LINGO2: variants seen among roughly 807,000 people sequenced by gnomAD.
LINGO2 encodes leucine-rich repeat and immunoglobulin-like domain-containing nogo receptor-interacting protein 2.
In LINGO2, 14 loss-of-function variants were observed where a neutral mutation model predicts 30.6. That is an observed-to-expected ratio of 0.46 (90% CI 0.30 to 0.72). The LOEUF is 0.72. Ranked by LOEUF, LINGO2 falls within the 30% of genes least tolerant of loss-of-function variation. The pLI is 0.07. For missense variants in LINGO2, 729 were observed against 751.7 expected (o/e 0.97, Z 0.35); for synonymous variants, 317 against 288.5 (o/e 1.10, Z -1.00).
intron 2 of LINGO2, among the ~76,000 whole-genome samples, chr9:28,436,764 G>A (rs1356266832): frequency 2.6e-5 from 4 of 152,122 alleles, no homozygotes; most frequent in Non-Finnish European, 5.9e-5. Flanking sequence ...GCCAGGAAGA[G>A]TATTTATAAA....
intron 4 of LINGO2, among the ~76,000 whole-genome samples, chr9:28,202,946 T>C (rs1215031025): frequency 6.6e-6 from 1 of 152,222 alleles, no homozygotes; most frequent in African/African-American, 2.4e-5. Flanking sequence ...GAATAGAATG[T>C]AAACTCTGTA....
chr9:29,005,840 G>A, the LINGO2 span, among the ~76,000 whole-genome samples: 1 of 151,870 alleles, frequency 6.6e-6, no homozygotes, highest in Admixed American at 6.6e-5. Flanking sequence ...GTCAACTGTA[G>A]GTGTTATTCT....
chr9:28,589,454 C>G lies in LINGO2; in HGVS notation c.-365+80746G>C, dbSNP rs1824750276. On this transcript the variant is annotated intron_variant, in intron 1 of 5. Transcript: ENST00000379992. ...AGCTGATAAGCAACTTCAGCAAAGT[C>G]TCAGGATACAAAATCAATGTACAAA... Among the ~76,000 whole-genome samples the G allele has an allele frequency of 2.0e-5, 3 of 152,230 alleles. No individual in the cohort carries two copies. The South Asian group carries it at 6.2e-4, about 32-fold the overall frequency.
At chr9:29,020,529 G>C in the LINGO2 span, among the ~76,000 whole-genome samples, 1 of 151,850 alleles carries the variant, frequency 6.6e-6, no homozygotes, top group Non-Finnish European at 1.5e-5. Flanking sequence ...TTTATTAATA[G>C]GTAAGCCCTA....
At chr9:28,209,274 C>G (rs1820512449) in intron 4 of LINGO2, among the ~76,000 whole-genome samples, 1 of 151,804 alleles carries the variant, frequency 6.6e-6, no homozygotes, top group South Asian at 2.1e-4. Context: ...ATATATGAGG[C>G]CTAGGTTAAG....
At chr9:29,155,758 G>T in the LINGO2 span, among the ~76,000 whole-genome samples, 1 of 151,974 alleles carries the variant, frequency 6.6e-6, no homozygotes, top group African/African-American at 2.4e-5. Flanking sequence ...TGCAAGGTAT[G>T]TTACTGTCAA....
At chr9:28,384,568 T>C (rs1315275659) in intron 2 of LINGO2, among the ~76,000 whole-genome samples, 1 of 151,954 alleles carries the variant, frequency 6.6e-6, no homozygotes, top group Non-Finnish European at 1.5e-5. Flanking sequence ...TCAGCACACA[T>C]CACATTCATT....
chr9:28,258,831 C>T (rs1299985139), intron 4 of LINGO2, among the ~76,000 whole-genome samples: 4 of 151,644 alleles, frequency 2.6e-5, no homozygotes, highest in African/African-American at 9.7e-5. Flanking sequence ...TAAGTCATAT[C>T]CAAGAGGAAT....
At chr9:28,827,760 T>C in the LINGO2 span, among the ~76,000 whole-genome samples, 1 of 152,154 alleles carries the variant, frequency 6.6e-6, no homozygotes, top group African/African-American at 2.4e-5. Flanking sequence ...CAGCAAAAGA[T>C]ATTTTATTGA....
the LINGO2 span, among the ~76,000 whole-genome samples, chr9:29,192,134 A>G: frequency 1.3e-5 from 2 of 152,156 alleles, no homozygotes; most frequent in African/African-American, 4.8e-5. Context: ...TTGTACTGGC[A>G]GCATTTATAT....
intron 4 of LINGO2, among the ~76,000 whole-genome samples, chr9:28,111,937 T>C (rs1389171848): frequency 6.6e-6 from 1 of 150,654 alleles, no homozygotes; most frequent in Non-Finnish European, 1.5e-5. Flanking sequence ...ACTCTAAGTT[T>C]TAGGGTACAT....
chr9:28,416,909 G>A (rs1822989389), intron 2 of LINGO2, among the ~76,000 whole-genome samples: 1 of 152,090 alleles, frequency 6.6e-6, no homozygotes, highest in Non-Finnish European at 1.5e-5. Flanking sequence ...TTGTACATAT[G>A]TACCCAATTC....
intron 1 of LINGO2, among the ~76,000 whole-genome samples, chr9:28,544,984 A>G (rs1821867430): frequency 6.6e-6 from 1 of 151,660 alleles, no homozygotes; most frequent in South Asian, 2.1e-4. Flanking sequence ...GTACTATGTT[A>G]ATTATGTTAT....
At chr9:28,877,814 TG>T in the LINGO2 span, among the ~76,000 whole-genome samples, 1 of 151,942 alleles carries the variant, frequency 6.6e-6, no homozygotes, top group Non-Finnish European at 1.5e-5. Context: ...TTGATGGGGA[TG>T]GCATTGAATC....
intron 1 of LINGO2, among the ~76,000 whole-genome samples, chr9:28,619,217 T>A (rs1055318006): frequency 1.4e-4 from 22 of 152,170 alleles, no homozygotes; most frequent in African/African-American, 5.3e-4. Flanking sequence ...ATCATACTAT[T>A]GCTGATGTAT....
At chr9:28,996,027 A>T in the LINGO2 span, among the ~76,000 whole-genome samples, 1 of 151,996 alleles carries the variant, frequency 6.6e-6, no homozygotes, top group African/African-American at 2.4e-5. Flanking sequence ...TAATAAAAAA[A>T]ATGAATATTC....
the LINGO2 span, among the ~76,000 whole-genome samples, chr9:28,969,038 T>A: frequency 6.6e-6 from 1 of 152,144 alleles, no homozygotes; most frequent in East Asian, 1.9e-4. Context: ...TATATGTAAA[T>A]TTTTTTTGAA....
chr9:28,909,125 T>A, the LINGO2 span, among the ~76,000 whole-genome samples: 1 of 151,938 alleles, frequency 6.6e-6, no homozygotes, highest in African/African-American at 2.4e-5. Context: ...TTTTATCATT[T>A]CAAAGACCAT....
chr9:28,586,935 A>T (rs947664552), intron 1 of LINGO2, among the ~76,000 whole-genome samples: 1 of 152,080 alleles, frequency 6.6e-6, no homozygotes, highest in African/African-American at 2.4e-5. Context: ...AAAGTGACAA[A>T]CAATAGAGAT....
Sources: allele counts gnomAD v4.1 joint callset (sites outside exome capture counted in the v4.1 genomes callset), GRCh38; gene constraint gnomAD v4.1.1; transcripts MANE v1.5; gene names NCBI Gene and HGNC (gene_info 2026-07-23, HGNC 2026-07-21).